TIAM2: variants seen among roughly 807,000 people sequenced by gnomAD.
TIAM2 encodes rho guanine nucleotide exchange factor TIAM2.
In TIAM2, 80 loss-of-function variants were observed where a neutral mutation model predicts 152.9. The observed-to-expected ratio is 0.52, with a 90% CI of 0.44 to 0.63. The LOEUF (loss-of-function observed/expected upper bound fraction) is 0.63, where lower values mean the gene tolerates loss of function less well. TIAM2 is among the 30% of genes least tolerant of loss of function. The pLI is 0.00. For missense variants in TIAM2, 1,965 were observed against 2,120.1 expected (o/e 0.93, Z 1.44); for synonymous variants, 804 against 838.0 (o/e 0.96, Z 0.70).
intron 1 of TIAM2, among the ~76,000 whole-genome samples, chr6:155,048,363 A>G (rs1298119082): frequency 6.6e-6 from 1 of 152,090 alleles, no homozygotes; most frequent in Non-Finnish European, 1.5e-5. Context: ...AAAATGTTGA[A>G]ATTACAGGCG....
intron 1 of TIAM2, among the ~76,000 whole-genome samples, chr6:155,059,310 G>GTGTGTGTC (rs1467296153): frequency 6.7e-6 from 1 of 148,300 alleles, no homozygotes; most frequent in Non-Finnish European, 1.5e-5. Context: ...GTGTGTGTGT[G>GTGTGTGTC]TGTGTGTGTG....
chr6:155,075,944 G>A (rs1777947576), intron 1 of TIAM2, among the ~76,000 whole-genome samples: 1 of 152,028 alleles, frequency 6.6e-6, no homozygotes, highest in Admixed American at 6.6e-5. Context: ...AAAAAATAAC[G>A]TGTAGCGAAG....
intron 7 of TIAM2, among the ~76,000 whole-genome samples, chr6:155,155,764 C>T (rs536121605): frequency 2.6e-5 from 4 of 152,170 alleles, no homozygotes; most frequent in Non-Finnish European, 4.4e-5. Flanking sequence ...CATGAGCCAC[C>T]GCTCCCAGCC....
intron 2 of TIAM2, among the ~76,000 whole-genome samples, chr6:155,110,471 G>A (rs1054631757): frequency 1.3e-5 from 2 of 152,050 alleles, no homozygotes; most frequent in African/African-American, 4.8e-5. Flanking sequence ...CAAATTCAAA[G>A]CTGTACATTC....
intron 14 of TIAM2, among the ~76,000 whole-genome samples, chr6:155,197,488 G>A (rs111476746): frequency 1.8e-4 from 28 of 152,130 alleles, no homozygotes; most frequent in Admixed American, 9.8e-4. Context: ...GCCAGTCACC[G>A]CATGTGTCCA....
chr6:155,058,582 T>G (rs1326554127), intron 1 of TIAM2, among the ~76,000 whole-genome samples: 1 of 152,226 alleles, frequency 6.6e-6, no homozygotes, highest in Non-Finnish European at 1.5e-5. Context: ...CTGAGCTAAT[T>G]ACTTTATGTA....
intron 1 of TIAM2, among the ~76,000 whole-genome samples, chr6:155,049,043 C>T (rs1478101927): frequency 3.9e-5 from 6 of 152,014 alleles, no homozygotes; most frequent in African/African-American, 9.7e-5. Flanking sequence ...TCAAGTGATC[C>T]GCCCGTCTCG....
chr6:155,242,894 C>A (rs1783116666), intron 16 of TIAM2, among the ~76,000 whole-genome samples: 1 of 115,886 alleles, frequency 8.6e-6, no homozygotes. Flanking sequence ...CGCCACCACA[C>A]CCAGCTATTT....
At chr6:155,194,671 CA>C (rs1781292183) in intron 14 of TIAM2, among the ~76,000 whole-genome samples, 1 of 152,164 alleles carries the variant, frequency 6.6e-6, no homozygotes, top group Admixed American at 6.5e-5. Flanking sequence ...AACATTTGAA[CA>C]AATGAGTAGA....
chr6:155,008,707 G>T (rs12196950), intron 1 of TIAM2, among the ~76,000 whole-genome samples: 23,247 of 152,166 alleles, frequency 0.15, 1,783 homozygotes, highest in Middle Eastern at 0.18. Flanking sequence ...GAGGCTCAGT[G>T]TCTGGAATGT....
intron 15 of TIAM2, among the ~76,000 whole-genome samples, chr6:155,226,115 A>G (rs1049209047): frequency 6.6e-6 from 1 of 152,130 alleles, no homozygotes; most frequent in Non-Finnish European, 1.5e-5. Context: ...CTAAGCATGA[A>G]GAGGATGTGA....
chr6:155,247,929 T>A (rs1783429111), intron 19 of TIAM2, 71 bp from the exon 20 acceptor site: 1 of 1,517,734 alleles, frequency 6.6e-7, no homozygotes, highest in African/African-American at 1.4e-5. Flanking sequence ...TCTATAAATG[T>A]TAAAAGAGAA....
intron 9 of TIAM2, among the ~76,000 whole-genome samples, chr6:155,167,957 T>G (rs919857546): frequency 6.6e-6 from 1 of 152,230 alleles, no homozygotes; most frequent in South Asian, 2.1e-4. Flanking sequence ...CTAATATGGT[T>G]TTTACCCAGC....
intron 4 of TIAM2, among the ~76,000 whole-genome samples, chr6:155,132,552 G>T (rs1779471683): frequency 6.6e-6 from 1 of 152,044 alleles, no homozygotes; most frequent in Non-Finnish European, 1.5e-5. Flanking sequence ...CACTTTTTCA[G>T]ACTAAACCAC....
Position 155,034,246 on chromosome 6 carries a change from G to GT in TIAM2, c.-209+38761dup, listed in dbSNP as rs796993083. Among the ~76,000 whole-genome samples the GT allele has an allele frequency of 3.3e-4, 49 of 149,700 alleles. 2 individuals are homozygous for GT. Among genetic ancestry groups the GT allele is most frequent in the African/African-American group, 1.1e-3 (45 of 39,292 alleles). ...GAGACCTCTCTTCTGGGGTCCATTG[G>GT]TTTTTTTGTTTTTGTTTTGTTTGAG... On this transcript the variant is annotated intron_variant, in intron 1 of 26. Transcript: ENST00000682666.
chr6:155,148,440 G>A, intron 7 of TIAM2, 106 bp downstream of exon 7: 1 of 1,164,060 alleles, frequency 8.6e-7, no homozygotes, highest in Non-Finnish European at 1.2e-6. Flanking sequence ...ACATCTTGGT[G>A]GTATTTCTTA....
chr6:155,232,106 A>AG (rs1311001065), intron 15 of TIAM2, among the ~76,000 whole-genome samples: 1 of 151,984 alleles, frequency 6.6e-6, no homozygotes, highest in African/African-American at 2.4e-5. Flanking sequence ...AACAAAAAAA[A>AG]ACAAAAACTG....
intron 1 of TIAM2, among the ~76,000 whole-genome samples, chr6:155,046,550 G>T (rs1202485541): frequency 6.6e-6 from 1 of 152,144 alleles, no homozygotes; most frequent in Non-Finnish European, 1.5e-5. Flanking sequence ...GGCCAGGCTG[G>T]TCTCGAACTC....
At chr6:155,158,283 C>T (rs1336764225) in intron 7 of TIAM2, among the ~76,000 whole-genome samples, 5 of 152,192 alleles carry the variant, frequency 3.3e-5, no homozygotes. Flanking sequence ...TCATCCCTCT[C>T]CCTCCCACTT....
Sources: gnomAD v4.1 joint callset for allele counts (sites outside exome capture counted in the v4.1 genomes callset) on GRCh38, gnomAD v4.1.1 for gene constraint, MANE v1.5 for transcripts, NCBI Gene and HGNC (gene_info 2026-07-23, HGNC 2026-07-21) for gene names.